Variants in PKD1 observed in about 807,000 individuals in gnomAD.
The protein encoded by PKD1 is polycystin 1, transient receptor potential channel interacting, also known as polycystin-1.
PKD1 carries 81 observed loss-of-function variants against 361.7 expected under a neutral mutation model. The ratio of observed to expected loss-of-function variants is 0.22; its 90% CI spans 0.19 to 0.27. PKD1 has a LOEUF of 0.27. PKD1 is among the 10% of genes least tolerant of loss of function. PKD1 has a pLI of 1.00. For synonymous variants in PKD1, 3,615 were observed against 2,818.3 expected (o/e 1.28, Z -8.95); for missense variants, 6,399 against 6,118.3 (o/e 1.05, Z -1.53).
Position 2,108,011 on chromosome 16 carries a change from G to C in PKD1, c.6937C>G (p.Leu2313Val). Residue 2313 changes from leucine (L) to valine (V), a missense_variant, in exon 16 of 46, where the codon CTG becomes GTG. Transcript: ENST00000262304. ...CTGCTCCCGCGGGGCCCAAAGTTCA[G>C]CGCACACCCGCCAGCCTCCCTCTGC... is the stretch of plus-strand genomic sequence containing the variant. The part of the protein sequence containing the change: ...STQREAGGCA[L>V]NFGPRGSSTV... 2 of 1,548,908 alleles carry C rather than the reference G, an allele frequency of 1.3e-6. No individual in the cohort carries two copies. The highest frequency in any genetic ancestry group is 1.7e-6 in the Non-Finnish European group (2 of 1,147,820).
At chr16:2,101,167 T>G (rs866956618) in intron 26 of PKD1, among the ~76,000 whole-genome samples, 2 of 151,980 alleles carry the variant, frequency 1.3e-5, no homozygotes, top group Non-Finnish European at 2.9e-5. Flanking sequence ...TTTGTACTTT[T>G]TATTAGAGAC....
In PKD1 at chr16:2,118,434, G is replaced by C; in HGVS notation, c.558C>G (p.Asp186Glu). The C allele has an allele frequency of 8.2e-7, 1 of 1,223,004 alleles. No homozygotes were observed. The highest frequency in any genetic ancestry group is 1.2e-6 in the Non-Finnish European group (1 of 861,598). The allele number at this position is 1,223,004 out of a possible 1,614,324, so 75.8% of individuals were successfully genotyped here. A position where few individuals can be genotyped will look rare whatever the true frequency, so the allele number is the denominator to read the frequency against. Residue 186 changes from aspartate (D) to glutamate (E), a missense_variant, in exon 5 of 46, where the codon GAC becomes GAG. Transcript: ENST00000262304. The surrounding 1 kb of genome is among the most constrained non-coding windows in gnomAD (Gnocchi z 6.0). ...CTGCTGCCACGGTGCCTGAGCTGTT[G>C]TCAGGGAGGCAGGCGACATACTCCT... ...CGEEYVACLP[D>E]NSSGTVAAVS...
At chr16:2,102,995 C>A (rs199619755) in intron 23 of PKD1, 25 bp from the exon 24 acceptor site, 4 of 1,599,200 alleles carry the variant, frequency 2.5e-6, no homozygotes, top group African/African-American at 1.3e-5. Context: ...GCAGGTCACA[C>A]GCCTGCCGGG....
chr16:2,116,204 G>C (rs1469936879), intron 8 of PKD1, 86 bp from the exon 9 acceptor site: 22 of 1,400,864 alleles, frequency 1.6e-5, no homozygotes, highest in Non-Finnish European at 2.2e-5. Context: ...CCCAGGAAGA[G>C]GGGAGGGAAG....
In PKD1 at chr16:2,129,541, ATT is replaced by A. The variant is rs71148122; in HGVS notation, c.215+5932_215+5933del. Among the ~76,000 whole-genome samples the A allele has an allele frequency of 9.0e-3, 650 of 72,074 alleles. 4 individuals are homozygous for A. The highest frequency in any genetic ancestry group is 0.042 in the African/African-American group (572 of 13,702). 47.3% of individuals were successfully genotyped at this position (72,074 alleles called of 152,430 possible). Reference sequence around the variant, plus strand: ...GAGAAATCTCTGTTCAGATCCTGTGATTTTTTTTTTTTTTTTTTTTTTTTTTT... The same window carrying A: ...GAGAAATCTCTGTTCAGATCCTGTGATTTTTTTTTTTTTTTTTTTTTTTTT... On this transcript the variant is annotated intron_variant, in intron 1 of 45. Coordinates refer to ENST00000262304, the MANE Select transcript of PKD1 (RefSeq NM_001009944.3).
chr16:2,112,919 G>C lies in PKD1; in HGVS notation c.3030C>G (p.Asn1010Lys). The C allele has an allele frequency of 6.2e-7, 1 of 1,605,504 alleles. No individual in the cohort carries two copies. Residue 1010 changes from asparagine (N) to lysine (K), a missense_variant, in exon 13 of 46, where the codon AAC becomes AAG. Transcript: ENST00000262304. Reference protein sequence around the residue: ...NHVSNVTVNYNVTVERMNRMQ... With the variant: ...NHVSNVTVNYKVTVERMNRMQ... ...TCCTGTTCATCCGCTCCACGGTTAC[G>C]TTGTAGTTCACGGTGACGTTGCTCA...
intron 38 of PKD1, 48 bp downstream of exon 38, chr16:2,092,906 G>T (rs1047925569): frequency 1.2e-6 from 2 of 1,610,878 alleles, no homozygotes; most frequent in African/African-American, 1.3e-5. Context: ...CTGGACTAAA[G>T]GCAAAACTAA....
chr16:2,134,849 T>C (rs1236084678), intron 1 of PKD1, among the ~76,000 whole-genome samples: 4 of 131,260 alleles, frequency 3.0e-5, no homozygotes, highest in African/African-American at 9.5e-5. Context: ...CAATCCCCCC[T>C]CACCCCTGTT....
In PKD1 at chr16:2,107,655, T is replaced by C. The variant is rs537150982; in HGVS notation, c.7065+228A>G. ...CACTGTTGGTATTGCTAGGGGACTGTGTAGCTTTTGCCACTAGAGCATATG... is the reference window on the plus strand; with the variant it reads ...CACTGTTGGTATTGCTAGGGGACTGCGTAGCTTTTGCCACTAGAGCATATG... On this transcript the variant is annotated intron_variant, in intron 16 of 45. Coordinates refer to ENST00000262304, the MANE Select transcript of PKD1 (RefSeq NM_001009944.3). The C allele has an allele frequency of 6.5e-6, 4 of 619,022 alleles. No homozygotes were observed. In the South Asian group the frequency reaches 7.1e-5, roughly 11 times the overall value. 38.3% of individuals were successfully genotyped at this position (619,022 alleles called of 1,614,324 possible).
At chr16:2,105,724 G>A (rs1165987685) in intron 20 of PKD1, 141 bp downstream of exon 20, 2 of 1,287,262 alleles carry the variant, frequency 1.6e-6, no homozygotes, top group African/African-American at 1.5e-5. Flanking sequence ...GGAGCGGAAG[G>A]TCGGGGTGCT....
Position 2,090,272 on chromosome 16 carries a change from G to A in PKD1, c.12444+13C>T. 1.9e-6 allele frequency: 3 copies of A among 1,608,698 alleles called. No homozygotes were observed. Among genetic ancestry groups the A allele is most frequent in the East Asian group, 2.2e-5 (1 of 44,756 alleles). On this transcript the variant is annotated intron_variant, in intron 45 of 45. Coordinates refer to ENST00000262304, the MANE Select transcript of PKD1 (RefSeq NM_001009944.3). ...AGGGCGTGTCCCTCTCCCCCCCACT[G>A]GGCCGTACCCACCTCCTTGACCTTG...
At chr16:2,104,692 A>G in intron 21 of PKD1, 50 bp from the exon 22 acceptor site, 1 of 1,089,320 alleles carries the variant, frequency 9.2e-7, no homozygotes, top group East Asian at 2.6e-5. Context: ...CACTCCTTGC[A>G]CACGCCCTCC....
At chr16:2,123,348 G>A (rs1218317128) in intron 1 of PKD1, 24 of 366,588 alleles carry the variant, frequency 6.5e-5, no homozygotes, top group African/African-American at 2.6e-4. Context: ...GTGTGGAAGC[G>A]TCTGCCCTGG....
At position 2,102,311 on chromosome 16, in the gene PKD1, A is replaced by G. The variant is rs528747029; in HGVS notation, c.9202-55T>C. The G allele has an allele frequency of 4.8e-4, 711 of 1,491,956 alleles. 6 individuals are homozygous for G. The African/African-American group carries it at 8.8e-3, about 19-fold the overall frequency. The allele number at this position is 1,491,956 out of a possible 1,614,324, so 92.4% of individuals were successfully genotyped here. ...GGTCACGTGCAAGCTGTGCCTTCTC[A>G]GGATAGAGCCGAGCCCACCCAGGCC... is the stretch of plus-strand genomic sequence containing the variant. On this transcript the variant is annotated intron_variant, in intron 25 of 45. Transcript: ENST00000262304.
Position 2,116,072 on chromosome 16 carries a change from G to A in PKD1, c.1769C>T (p.Thr590Ile), listed in dbSNP as rs1216465571. The A allele has an allele frequency of 1.3e-6, 2 of 1,529,998 alleles. No individual in the cohort carries two copies. Among genetic ancestry groups the A allele is most frequent in the South Asian group, 1.2e-5 (1 of 84,394 alleles). The allele number at this position is 1,529,998 out of a possible 1,614,324, so 94.8% of individuals were successfully genotyped here. A position where few individuals can be genotyped will look rare whatever the true frequency, so the allele number is the denominator to read the frequency against. Residue 590 changes from threonine (T) to isoleucine (I), a missense_variant, in exon 9 of 46, where the codon ACC (threonine) becomes ATC (isoleucine). Physicochemically the swap from Thr to Ile is moderately conservative, Grantham distance 89. Coordinates refer to ENST00000262304, the MANE Select transcript of PKD1 (RefSeq NM_001009944.3). ...CTCCTGGGTCCCAAATTCGGCCGTG[G>A]TGAGGAAGGCTTCACGGCTCAGACG... ...GLRLSREAFL[T>I]TAEFGTQELR...
rs74002777 is a variant in PKD1 at position 2,088,883 on chromosome 16, A to G, written c.*844T>C. Reference sequence around the variant, plus strand: ...AGCACACTCGCGCGTGCGCGCGCGCACACACACACACACACAGTCACCTTC... The same window carrying G: ...AGCACACTCGCGCGTGCGCGCGCGCGCACACACACACACACAGTCACCTTC... On this transcript the variant is annotated 3_prime_UTR_variant, in exon 46 of 46. Coordinates refer to ENST00000262304, the MANE Select transcript of PKD1 (RefSeq NM_001009944.3). 0.024 allele frequency: 4,954 copies of G among 209,798 alleles called. 66 individuals carry two copies. The highest frequency in any genetic ancestry group is 0.13 in the African/African-American group (2,686 of 21,364). 13.0% of individuals were successfully genotyped at this position (209,798 alleles called of 1,614,324 possible).
intron 26 of PKD1, among the ~76,000 whole-genome samples, chr16:2,101,206 C>G (rs1348870261): frequency 2.6e-5 from 4 of 152,102 alleles, no homozygotes; most frequent in African/African-American, 9.7e-5. Context: ...AGGATGGTCT[C>G]GATCTCCTGA....
In PKD1 at chr16:2,102,088, C is replaced by T. The variant is rs1421276147; in HGVS notation, c.9370G>A (p.Val3124Ile). ...GAGCCCCGGCCCCAGCCTGTCTTGA[C>T]GAGGATCTCGTACTTGAAGCGGCCC... ...QRGRFKYEIL[V>I]KTGWGRGSGT... Residue 3124 changes from valine (V) to isoleucine (I), a missense_variant, in exon 26 of 46, where the codon GTC becomes ATC. Physicochemically the swap from Val to Ile is conservative, Grantham distance 29 (BLOSUM62 3). Transcript: ENST00000262304. 45 of 1,568,666 alleles carry T rather than the reference C, an allele frequency of 2.9e-5. No individual in the cohort carries two copies. The highest frequency in any genetic ancestry group is 4.6e-4 in the Middle Eastern group (2 of 4,364).
At position 2,106,795 on chromosome 16, in the gene PKD1, C is replaced by A. The variant is rs778313451; in HGVS notation, c.7209+10G>T. ...ATCCCCAGCCCGCCCACACCCCGCT[C>A]AACACTCACCCCTCGCTTGGAGCCG... On this transcript the variant is annotated intron_variant, in intron 17 of 45. Coordinates refer to ENST00000262304, the MANE Select transcript of PKD1 (RefSeq NM_001009944.3). The surrounding 1 kb of genome is among the most constrained non-coding windows in gnomAD (Gnocchi z 6.5). 4 of 1,520,264 alleles carry A rather than the reference C, an allele frequency of 2.6e-6. No individual in the cohort carries two copies. In the South Asian group the frequency reaches 3.3e-5, roughly 13 times the overall value. 94.2% of individuals were successfully genotyped at this position (1,520,264 alleles called of 1,614,324 possible). A position where few individuals can be genotyped will look rare whatever the true frequency, so the allele number is the denominator to read the frequency against.
Sources: allele counts gnomAD v4.1 joint callset (sites outside exome capture counted in the v4.1 genomes callset), GRCh38; gene constraint gnomAD v4.1.1; non-coding constraint Gnocchi (gnomAD v3.1); transcripts MANE v1.5; gene names NCBI Gene and HGNC (gene_info 2026-07-23, HGNC 2026-07-21).